The following SLC4A10 variants were observed in gnomAD, a reference collection of about 807,000 sequenced individuals.
The protein encoded by SLC4A10 is solute carrier family 4 member 10.
A neutral mutation model predicts 137.7 loss-of-function variants in SLC4A10; 42 were observed. That is an observed-to-expected ratio of 0.30 (90% CI 0.24 to 0.39). The LOEUF (loss-of-function observed/expected upper bound fraction) is 0.39. Ranked by LOEUF, SLC4A10 falls within the 10% of genes least tolerant of loss-of-function variation. The pLI is 1.00. For synonymous variants in SLC4A10, 474 were observed against 464.1 expected (o/e 1.02, Z -0.27); for missense variants, 925 against 1,355.0 (o/e 0.68, Z 4.98).
intron 10 of SLC4A10, among the ~76,000 whole-genome samples, chr2:161,892,907 A>G (rs919682527): frequency 2.0e-5 from 3 of 152,118 alleles, no homozygotes; most frequent in African/African-American, 7.2e-5. Context: ...AGGAATAACC[A>G]ACTAAAATAT....
At chr2:161,969,845 G>T (rs989133741) in intron 23 of SLC4A10, among the ~76,000 whole-genome samples, 2 of 152,184 alleles carry the variant, frequency 1.3e-5, no homozygotes, top group Non-Finnish European at 2.9e-5. Flanking sequence ...GGTCAGAATT[G>T]GTTATGGATT....
intron 9 of SLC4A10, among the ~76,000 whole-genome samples, 155 bp downstream of exon 9, chr2:161,879,443 A>T (rs543399197): frequency 6.6e-6 from 1 of 152,232 alleles, no homozygotes; most frequent in African/African-American, 2.4e-5. Context: ...GAGGAGGGGA[A>T]AAGTGCTTTA....
chr2:161,864,585 G>A (rs1206916416), intron 6 of SLC4A10, among the ~76,000 whole-genome samples: 1 of 152,046 alleles, frequency 6.6e-6, no homozygotes, highest in Non-Finnish European at 1.5e-5. Context: ...CTGAATATAA[G>A]TCATTTTTGT....
intron 1 of SLC4A10, among the ~76,000 whole-genome samples, chr2:161,747,252 T>C (rs1345006070): frequency 6.6e-6 from 1 of 152,066 alleles, no homozygotes. Flanking sequence ...AGATGGACAA[T>C]TCCCTTCTGG....
At chr2:161,774,230 T>C (rs1009512691) in intron 2 of SLC4A10, among the ~76,000 whole-genome samples, 2 of 151,888 alleles carry the variant, frequency 1.3e-5, no homozygotes, top group African/African-American at 4.8e-5. Context: ...TATCTAAGTA[T>C]AAGATTATAA....
At chr2:161,679,410 A>T (rs1052437766) in intron 1 of SLC4A10, among the ~76,000 whole-genome samples, 1 of 152,124 alleles carries the variant, frequency 6.6e-6, no homozygotes, top group Non-Finnish European at 1.5e-5. Flanking sequence ...CAAAAGGTAA[A>T]GTGAAAGACT....
intron 3 of SLC4A10, among the ~76,000 whole-genome samples, chr2:161,806,797 C>G (rs1027923068): frequency 3.9e-5 from 6 of 152,148 alleles, no homozygotes; most frequent in Non-Finnish European, 5.9e-5. Flanking sequence ...TCTTCTGACC[C>G]CTCCAAACTG....
chr2:161,908,104 A>G (rs889991024), intron 15 of SLC4A10, among the ~76,000 whole-genome samples: 3 of 152,190 alleles, frequency 2.0e-5, no homozygotes, highest in African/African-American at 7.2e-5. Context: ...GCTCTAAAGT[A>G]GAATGAGAAA....
intron 3 of SLC4A10, among the ~76,000 whole-genome samples, chr2:161,832,763 CAG>C (rs900481456): frequency 1.9e-4 from 28 of 147,076 alleles, no homozygotes; most frequent in South Asian, 4.4e-4. Flanking sequence ...GTTTTTCAGA[CAG>C]AGTCTCACTC....
chr2:161,759,701 T>TA (rs548801355), intron 1 of SLC4A10, among the ~76,000 whole-genome samples: 4 of 151,964 alleles, frequency 2.6e-5, no homozygotes, highest in African/African-American at 9.6e-5. Flanking sequence ...TTAAGTTCTT[T>TA]AAAAAAAATT....
Position 161,756,002 on chromosome 2 carries a change from C to T in SLC4A10, c.49-14971C>T, listed in dbSNP as rs1315242079. Among the ~76,000 whole-genome samples the T allele has an allele frequency of 2.0e-5, 3 of 151,950 alleles. 1 individual carries two copies. The highest frequency in any genetic ancestry group is 2.9e-5 in the Non-Finnish European group (2 of 67,998). On this transcript the variant is annotated intron_variant, in intron 1 of 26. Transcript: ENST00000446997. ...GCCAGGGTGATCTCGAACTCCTGAC[C>T]TTGTGATCCACCCCCCTCAGCCTCC...
At chr2:161,874,564 T>G (rs1226619075) in intron 8 of SLC4A10, among the ~76,000 whole-genome samples, 1 of 152,250 alleles carries the variant, frequency 6.6e-6, no homozygotes, top group Non-Finnish European at 1.5e-5. Flanking sequence ...TCGATTTCCT[T>G]TCTTTTAATC....
chr2:161,968,323 G>A (rs1034802420), intron 23 of SLC4A10, among the ~76,000 whole-genome samples: 13 of 152,136 alleles, frequency 8.5e-5, no homozygotes, highest in African/African-American at 3.1e-4. Flanking sequence ...ATCTCATAGG[G>A]CAGAGAACAT....
At chr2:161,906,209 G>A (rs1684316566) in intron 15 of SLC4A10, among the ~76,000 whole-genome samples, 1 of 152,126 alleles carries the variant, frequency 6.6e-6, no homozygotes, top group Admixed American at 6.5e-5. Context: ...TATGTTATTT[G>A]GCGTTATTTC....
At chr2:161,767,093 G>T in intron 1 of SLC4A10, among the ~76,000 whole-genome samples, 1 of 34,638 alleles carries the variant, frequency 2.9e-5, no homozygotes, top group South Asian at 1.3e-3. Flanking sequence ...GAATTAAGAA[G>T]CATATATATA....
intron 5 of SLC4A10, among the ~76,000 whole-genome samples, chr2:161,859,552 A>G (rs935248846): frequency 1.4e-5 from 2 of 147,654 alleles, no homozygotes; most frequent in Middle Eastern, 3.3e-3. Context: ...TAGTGTTAGC[A>G]GAGTGTGACC....
chr2:161,644,068 C>CTTTTT (rs5835873), intron 1 of SLC4A10, among the ~76,000 whole-genome samples: 23 of 143,694 alleles, frequency 1.6e-4, no homozygotes, highest in East Asian at 4.0e-4. Context: ...GGCTTCTAAT[C>CTTTTT]TTTTTTTTTT....
intron 24 of SLC4A10, 43 bp downstream of exon 24, chr2:161,974,359 T>C (rs752686343): frequency 2.4e-5 from 35 of 1,450,452 alleles, no homozygotes; most frequent in Non-Finnish European, 3.2e-5. Context: ...AGTAATGAAA[T>C]GCATTGTTAT....
intron 4 of SLC4A10, among the ~76,000 whole-genome samples, chr2:161,850,319 A>C (rs2059757618): frequency 6.6e-6 from 1 of 152,152 alleles, no homozygotes; most frequent in Non-Finnish European, 1.5e-5. Flanking sequence ...TGAGTGCAGG[A>C]ACAGAGGTTG....
Sources: allele counts gnomAD v4.1 joint callset (sites outside exome capture counted in the v4.1 genomes callset), GRCh38; gene constraint gnomAD v4.1.1; transcripts MANE v1.5; gene names NCBI Gene and HGNC (gene_info 2026-07-23, HGNC 2026-07-21).